TEX15: variants seen among roughly 807,000 people sequenced by gnomAD.
TEX15 encodes the protein testis-expressed protein 15.
TEX15 carries 171 observed loss-of-function variants against 237.3 expected under a neutral mutation model. That is an observed-to-expected ratio of 0.72 (90% CI 0.64 to 0.82). The LOEUF (loss-of-function observed/expected upper bound fraction) is 0.82, where lower values mean the gene tolerates loss of function less well. Among genes scored for constraint, TEX15 ranks in the 40% least tolerant of loss-of-function variants. The pLI is 0.00. For missense variants in TEX15, 3,750 were observed against 3,646.5 expected (o/e 1.03, Z -0.73); for synonymous variants, 1,338 against 1,269.8 (o/e 1.05, Z -1.14).
rs1333716348 is a variant in TEX15, at chr8:30,833,225, A to G, written c.*61T>C. 1.2e-5 allele frequency: 14 copies of G among 1,149,994 alleles called. No individual in the cohort carries two copies. Among genetic ancestry groups the G allele is most frequent in the Middle Eastern group, 2.4e-4 (1 of 4,082 alleles). The allele number at this position is 1,149,994 out of a possible 1,614,324, so 71.2% of individuals were successfully genotyped here. On this transcript the variant is annotated 3_prime_UTR_variant, in exon 11 of 11. Coordinates refer to ENST00000643185, the MANE Select transcript of TEX15 (RefSeq NM_001350162.2). The stretch of plus-strand genomic sequence containing the variant: ...AAAATCGCTAAATGTTAAAAAATAT[A>G]TAAGTAAAAAATATTTGGAAAAACT...
chr8:30,894,858 C>T (rs1808863453), intron 2 of TEX15, among the ~76,000 whole-genome samples: 1 of 152,098 alleles, frequency 6.6e-6, no homozygotes, highest in Admixed American at 6.5e-5. Context: ...CATGAAGGTA[C>T]CCTTACAAAC....
chr8:30,882,619 T>C (rs1230956182), intron 3 of TEX15, among the ~76,000 whole-genome samples: 2 of 152,130 alleles, frequency 1.3e-5, no homozygotes, highest in Non-Finnish European at 2.9e-5. Flanking sequence ...ATGTATCTCA[T>C]GGCCCAAGAT....
At chr8:30,879,770 G>GT (rs113048872) in intron 3 of TEX15, among the ~76,000 whole-genome samples, 1,980 of 152,050 alleles carry the variant, frequency 0.013, 46 homozygotes, top group African/African-American at 0.045. Context: ...GCCTTCCCAG[G>GT]TAAGTGTCAG....
At position 30,912,853 on chromosome 8, in the gene TEX15, C is replaced by T. The variant is rs570260559; in HGVS notation, c.-86+26G>A. 4 of 152,522 alleles carry T rather than the reference C, an allele frequency of 2.6e-5. No individual in the cohort carries two copies. In the South Asian group the frequency reaches 8.3e-4, roughly 32 times the overall value. The allele number at this position is 152,522 out of a possible 1,614,324, so 9.4% of individuals were successfully genotyped here. On this transcript the variant is annotated intron_variant, in intron 1 of 10. Coordinates refer to ENST00000643185, the MANE Select transcript of TEX15 (RefSeq NM_001350162.2). ...CCAAACTAGCTGCTAACCCTCCTCT[C>T]CTCATCTGCCACATTCCCCACAAAC...
At chr8:30,889,456 A>AC (rs1261345073) in intron 2 of TEX15, among the ~76,000 whole-genome samples, 1 of 151,822 alleles carries the variant, frequency 6.6e-6, no homozygotes, top group Non-Finnish European at 1.5e-5. Context: ...CGGCTCAAAG[A>AC]AAAAAAAATT....
chr8:30,899,414 T>G (rs1808965653), intron 1 of TEX15, among the ~76,000 whole-genome samples: 1 of 152,166 alleles, frequency 6.6e-6, no homozygotes, highest in Non-Finnish European at 1.5e-5. Flanking sequence ...AGTATGGATC[T>G]AAACCACTAC....
intron 3 of TEX15, among the ~76,000 whole-genome samples, chr8:30,883,401 T>C (rs1250982717): frequency 1.3e-5 from 2 of 152,072 alleles, no homozygotes; most frequent in Non-Finnish European, 2.9e-5. Flanking sequence ...TTACTTTAAG[T>C]TCTGGGGTGC....
chr8:30,865,201 TA>T (rs1421018060), intron 5 of TEX15, among the ~76,000 whole-genome samples: 1 of 151,888 alleles, frequency 6.6e-6, no homozygotes, highest in East Asian at 1.9e-4. Flanking sequence ...TATACAGCAA[TA>T]AATTGGAAAA....
At chr8:30,857,875 T>TA (rs374061476) in intron 7 of TEX15, among the ~76,000 whole-genome samples, 4 of 151,870 alleles carry the variant, frequency 2.6e-5, no homozygotes, top group South Asian at 2.1e-4. Flanking sequence ...AACAAAACTT[T>TA]AAAAAAAAGC....
Position 30,838,011 on chromosome 8 carries a change from C to T in TEX15, c.8273G>A (p.Cys2758Tyr). The T allele has an allele frequency of 6.2e-7, 1 of 1,613,976 alleles. No individual in the cohort carries two copies. The highest frequency in any genetic ancestry group is 8.5e-7 in the Non-Finnish European group (1 of 1,179,978). Residue 2758 changes from cysteine to tyrosine, a missense_variant, in exon 10 of 11, where the codon TGT becomes TAT. Coordinates refer to ENST00000643185, the MANE Select transcript of TEX15 (RefSeq NM_001350162.2). Reference sequence around the variant, plus strand: ...TAAATGATTTCTTTTCAGACTGTCACATGAACTTGGTACTATTTTGTTTTC... The same window carrying T: ...TAAATGATTTCTTTTCAGACTGTCATATGAACTTGGTACTATTTTGTTTTC... The part of the protein sequence containing the change: ...KSENKIVPSS[C>Y]DSLKRNHLTP...
At chr8:30,881,325 T>C (rs945486109) in intron 3 of TEX15, among the ~76,000 whole-genome samples, 2 of 152,170 alleles carry the variant, frequency 1.3e-5, no homozygotes, top group African/African-American at 4.8e-5. Context: ...ATCTTTAGAA[T>C]TCTCCAGTGA....
In TEX15 at chr8:30,836,942, C is replaced by T. The variant is rs369054020; in HGVS notation, c.9342G>A (p.Gly3114=). ...AAGCAGGTATTTGAGATTGAAAATA[C>T]CCATTCACTGGCACAAAGCCATTTG... The part of the protein sequence containing the change: ...PQANGFVPVN[G]YFQSQIPASN... The change falls in exon 10 of 11, where the codon GGG becomes GGA. Residue 3114 remains glycine, a synonymous_variant. Transcript: ENST00000643185. 2.6e-5 allele frequency: 42 copies of T among 1,613,984 alleles called. No homozygotes were observed. The highest frequency in any genetic ancestry group is 4.0e-5 in the African/African-American group (3 of 74,886).
chr8:30,889,511 A>G (rs1808738088), intron 2 of TEX15, among the ~76,000 whole-genome samples: 1 of 152,178 alleles, frequency 6.6e-6, no homozygotes, highest in Admixed American at 6.6e-5. Context: ...GGGTTTCTCT[A>G]GCATAATTTA....
intron 6 of TEX15, 78 bp from the exon 7 acceptor site, chr8:30,858,908 T>C (rs1403596865): frequency 1.0e-6 from 1 of 968,094 alleles, no homozygotes; most frequent in African/African-American, 1.7e-5. Flanking sequence ...AAAAAATCAA[T>C]ATAATTGCAT....
rs747716962 is a variant in TEX15, at chr8:30,849,165, A to C, written c.1002T>G (p.Pro334=). The change falls in exon 8 of 11, where the codon CCT becomes CCG. Residue 334 remains proline, a synonymous_variant. Coordinates refer to ENST00000643185, the MANE Select transcript of TEX15 (RefSeq NM_001350162.2). ...AGGAGTTAGAAATATTTGAGATGAA[A>C]GGATTTATCTCTGAATTTAGTGCAT... ...LCNALNSEIN[P]FISNISNSYG... 1.3e-6 allele frequency: 2 copies of C among 1,550,076 alleles called. No homozygotes were observed. Among genetic ancestry groups the C allele is most frequent in the African/African-American group, 2.7e-5 (2 of 73,292 alleles).
intron 1 of TEX15, among the ~76,000 whole-genome samples, chr8:30,908,922 CCTG>C (rs974133510): frequency 6.6e-6 from 1 of 152,090 alleles, no homozygotes; most frequent in African/African-American, 2.4e-5. Context: ...TACAATGGTT[CCTG>C]CTGTTTTAAT....
At position 30,842,877 on chromosome 8, in the gene TEX15, G is replaced by A. The variant is rs765600534; in HGVS notation, c.7290C>T (p.His2430=). Residue 2430 remains histidine (H), a synonymous_variant, in exon 8 of 11, where the codon CAC becomes CAT. Coordinates refer to ENST00000643185, the MANE Select transcript of TEX15 (RefSeq NM_001350162.2). ...EENVLDVVIN[H]SHEAIILKPE... is the part of the protein sequence containing the mutation. ...GCTTTAAAATGATAGCCTCATGGCTGTGGTTTATCACCACGTCTAAAACAT... is the reference window on the plus strand; with the variant it reads ...GCTTTAAAATGATAGCCTCATGGCTATGGTTTATCACCACGTCTAAAACAT... The A allele has an allele frequency of 3.7e-6, 6 of 1,611,144 alleles. No individual in the cohort carries two copies. The highest frequency in any genetic ancestry group is 5.1e-6 in the Non-Finnish European group (6 of 1,178,262).
At chr8:30,880,833 G>A (rs1246608260) in intron 3 of TEX15, among the ~76,000 whole-genome samples, 6 of 152,092 alleles carry the variant, frequency 3.9e-5, no homozygotes. Flanking sequence ...CTAACCCCTG[G>A]GTTGTTTATA....
intron 3 of TEX15, among the ~76,000 whole-genome samples, chr8:30,883,381 A>AT (rs1190476600): frequency 6.6e-6 from 1 of 150,932 alleles, no homozygotes; most frequent in Admixed American, 6.6e-5. Flanking sequence ...TTTTTTTTTA[A>AT]TTTTTTATTT....
Sources: gnomAD v4.1 joint callset for allele counts (sites outside exome capture counted in the v4.1 genomes callset) on GRCh38, gnomAD v4.1.1 for gene constraint, MANE v1.5 for transcripts, NCBI Gene and HGNC (gene_info 2026-07-23, HGNC 2026-07-21) for gene names.